The following CNOT9 variants were observed in gnomAD, a reference collection of about 807,000 sequenced individuals.
CNOT9 encodes the protein CCR4-NOT transcription complex subunit 9.
In CNOT9, 8 loss-of-function variants were observed where a neutral mutation model predicts 37.4. That is an observed-to-expected ratio of 0.21 (90% CI 0.13 to 0.39). CNOT9 has a LOEUF of 0.39. Among genes scored for constraint, CNOT9 ranks in the 10% least tolerant of loss-of-function variants. The pLI is 1.00. For missense variants in CNOT9, 154 were observed against 365.3 expected (o/e 0.42, Z 4.71); for synonymous variants, 120 against 137.6 (o/e 0.87, Z 0.90).
At position 218,594,678 on chromosome 2, in the gene CNOT9, G is replaced by A. The variant is rs1465085728; in HGVS notation, c.*402G>A. ...TGAACGCCTGGGACCAAGCCATGTG[G>A]CGTTTTTTATTTTGCCTTTCTGGAA... On this transcript the variant is annotated 3_prime_UTR_variant, in exon 8 of 8. Transcript: ENST00000273064. 5.8e-6 allele frequency: 1 copy of A among 172,684 alleles called. No homozygotes were observed. The highest frequency in any genetic ancestry group is 1.2e-5 in the Non-Finnish European group (1 of 81,868). 10.7% of individuals were successfully genotyped at this position (172,684 alleles called of 1,614,324 possible).
In CNOT9 at chr2:218,573,962, AT is replaced by A. The variant is rs929514598; in HGVS notation, c.24+4991del. 3.2e-4 allele frequency: 135 copies of A among 415,920 alleles called. 2 individuals carry two copies. The Admixed American group carries it at 3.6e-3, about 11-fold the overall frequency. The allele number at this position is 415,920 out of a possible 1,614,324, so 25.8% of individuals were successfully genotyped here. A position where few individuals can be genotyped will look rare whatever the true frequency, so the allele number is the denominator to read the frequency against. On this transcript the variant is annotated intron_variant, in intron 1 of 7. Coordinates refer to ENST00000273064, the MANE Select transcript of CNOT9 (RefSeq NM_005444.3). ...TTAAAAGAACAGGACTGTTGACTTT[AT>A]TTTTTTATTTTATTTTATGTTTTTG...
intron 5 of CNOT9, among the ~76,000 whole-genome samples, chr2:218,588,230 T>G (rs1466826639): frequency 6.6e-6 from 1 of 152,124 alleles, no homozygotes; most frequent in Admixed American, 6.6e-5. Flanking sequence ...TACTTTTTTG[T>G]GTGGTTACCT....
chr2:218,592,048 C>T lies in CNOT9; in HGVS notation c.541-256C>T, dbSNP rs1028777951. On this transcript the variant is annotated intron_variant, in intron 5 of 7. Coordinates refer to ENST00000273064, the MANE Select transcript of CNOT9 (RefSeq NM_005444.3). This position sits in a 1 kb window ranked among gnomAD's most constrained non-coding sequence, Gnocchi z 4.1. ...TGTAAAGTGAGAATAATAATGGTACCTACCTCATTGATTTATTATAAAAAT... is the reference window on the plus strand; with the variant it reads ...TGTAAAGTGAGAATAATAATGGTACTTACCTCATTGATTTATTATAAAAAT... Among the ~76,000 whole-genome samples, 12 of 152,094 alleles carry T rather than the reference C, an allele frequency of 7.9e-5. No individual in the cohort carries two copies. Among genetic ancestry groups the T allele is most frequent in the Admixed American group, 2.0e-4 (3 of 15,280 alleles).
At chr2:218,589,399 G>A (rs1402337296) in intron 5 of CNOT9, 1 of 152,134 alleles carries the variant, frequency 6.6e-6, no homozygotes, top group African/African-American at 2.4e-5. Context: ...GGAGTAGAGA[G>A]GCATGGCTCA....
At chr2:218,572,503 C>G (rs1484877907) in intron 1 of CNOT9, 1 of 167,492 alleles carries the variant, frequency 6.0e-6, no homozygotes, top group Non-Finnish European at 1.2e-5. Context: ...GCCGGGAGTT[C>G]AAGACCAGCC....
intron 1 of CNOT9, among the ~76,000 whole-genome samples, chr2:218,578,523 G>C (rs1694251282): frequency 2.0e-5 from 3 of 152,200 alleles, no homozygotes; most frequent in Admixed American, 2.0e-4. Context: ...TATAAGTACT[G>C]TGAGAAACTG....
At chr2:218,583,221 GTGTGTGTGTGTGTCTCTCTCTC>G (rs1242130842) in intron 3 of CNOT9, 135 bp downstream of exon 3, 735 of 377,794 alleles carry the variant, frequency 1.9e-3, no homozygotes, top group Non-Finnish European at 2.3e-3. Context: ...GTGTGTGTGT[GTGTGTGTGTGTGTCTCTCTCTC>G]TCTCTCTCTC....
Position 218,592,026 on chromosome 2 carries a change from A to G in CNOT9, c.541-278A>G, listed in dbSNP as rs539430066. Among the ~76,000 whole-genome samples the G allele has an allele frequency of 6.6e-6, 1 of 152,330 alleles. No homozygotes were observed. Among genetic ancestry groups the G allele is most frequent in the South Asian group, 2.1e-4 (1 of 4,824 alleles). On this transcript the variant is annotated intron_variant, in intron 5 of 7. Transcript: ENST00000273064. This position sits in a 1 kb window ranked among gnomAD's most constrained non-coding sequence, Gnocchi z 4.1. Reference sequence around the variant, plus strand: ...TTACACGGAACCTACCCTTGTATGTAAAGTGAGAATAATAATGGTACCTAC... The same window carrying G: ...TTACACGGAACCTACCCTTGTATGTGAAGTGAGAATAATAATGGTACCTAC...
At chr2:218,585,642 T>TTTA (rs1553564931) in intron 4 of CNOT9, among the ~76,000 whole-genome samples, 40,243 of 132,284 alleles carry the variant, frequency 0.3, 6,985 homozygotes, top group Non-Finnish European at 0.38. Flanking sequence ...TATTTTATTT[T>TTTA]TTTTTTTTTT....
intron 3 of CNOT9, 35 bp downstream of exon 3, chr2:218,583,121 T>A (rs1363331248): frequency 7.6e-7 from 1 of 1,315,780 alleles, no homozygotes; most frequent in African/African-American, 1.5e-5. Flanking sequence ...GGGGGAGATA[T>A]ACATTGAATA....
At chr2:218,593,963 C>G (rs1694858253) in intron 7 of CNOT9, 145 bp from the exon 8 acceptor site, 1 of 1,010,894 alleles carries the variant, frequency 9.9e-7, no homozygotes, top group Non-Finnish European at 1.5e-6. Context: ...CCTAATATAG[C>G]TTTAGAGAAT....
intron 1 of CNOT9, among the ~76,000 whole-genome samples, chr2:218,569,624 G>C (rs761769974): frequency 2.0e-5 from 3 of 152,166 alleles, no homozygotes; most frequent in Non-Finnish European, 4.4e-5. Context: ...GGCCCTGTAT[G>C]ATGTGGTACT....
chr2:218,571,919 ATCT>A (rs1270573961), intron 1 of CNOT9, among the ~76,000 whole-genome samples: 1 of 151,802 alleles, frequency 6.6e-6, no homozygotes, highest in African/African-American at 2.4e-5. Context: ...ACATCCTAAC[ATCT>A]TCATATATTC....
At chr2:218,590,624 G>A (rs1694741460) in intron 5 of CNOT9, among the ~76,000 whole-genome samples, 1 of 152,168 alleles carries the variant, frequency 6.6e-6, no homozygotes. Flanking sequence ...TTTCTCTGGA[G>A]GATATAGAGG....
chr2:218,573,368 A>C (rs1694064528), intron 1 of CNOT9, among the ~76,000 whole-genome samples: 1 of 151,806 alleles, frequency 6.6e-6, no homozygotes, highest in African/African-American at 2.4e-5. Context: ...AAAATTATGA[A>C]GGTAAGCTAA....
chr2:218,580,464 A>T, intron 1 of CNOT9, 97 bp from the exon 2 acceptor site: 1 of 964,562 alleles, frequency 1.0e-6, no homozygotes, highest in Non-Finnish European at 1.5e-6. Context: ...CTCCCCTGGT[A>T]TTCATGAAAA....
Position 218,592,006 on chromosome 2 carries a change from C to T in CNOT9, c.541-298C>T, listed in dbSNP as rs73992527. On this transcript the variant is annotated intron_variant, in intron 5 of 7. Coordinates refer to ENST00000273064, the MANE Select transcript of CNOT9 (RefSeq NM_005444.3). The surrounding 1 kb of genome is among the most constrained non-coding windows in gnomAD (Gnocchi z 4.1). ...AGTTTTTAAGAATTTGATAATTACACGGAACCTACCCTTGTATGTAAAGTG... is the reference window on the plus strand; with the variant it reads ...AGTTTTTAAGAATTTGATAATTACATGGAACCTACCCTTGTATGTAAAGTG... 0.019 allele frequency among the ~76,000 whole-genome samples: 2,886 copies of T among 152,048 alleles called. 96 individuals carry two copies. Among genetic ancestry groups the T allele is most frequent in the African/African-American group, 0.065 (2,706 of 41,466 alleles).
chr2:218,580,114 G>C (rs989189084), intron 1 of CNOT9, among the ~76,000 whole-genome samples: 18 of 151,792 alleles, frequency 1.2e-4, no homozygotes, highest in African/African-American at 3.9e-4. Flanking sequence ...GATTACAGGC[G>C]CCCATCACCA....
Position 218,592,819 on chromosome 2 carries a change from C to A in CNOT9, c.731+112C>A. ...GGACAGGGAAGTGGGGATATAACTG[C>A]ATTTAGTTTGTCTGAGACAGAACTT... is the stretch of plus-strand genomic sequence containing the variant. On this transcript the variant is annotated intron_variant, in intron 7 of 7. Coordinates refer to ENST00000273064, the MANE Select transcript of CNOT9 (RefSeq NM_005444.3). This position sits in a 1 kb window ranked among gnomAD's most constrained non-coding sequence, Gnocchi z 4.1. The A allele has an allele frequency of 1.2e-6, 1 of 808,450 alleles. No homozygotes were observed. The highest frequency in any genetic ancestry group is 2.0e-6 in the Non-Finnish European group (1 of 489,086). The allele number at this position is 808,450 out of a possible 1,614,324, so 50.1% of individuals were successfully genotyped here.
Sources: allele counts gnomAD v4.1 joint callset (sites outside exome capture counted in the v4.1 genomes callset), GRCh38; gene constraint gnomAD v4.1.1; non-coding constraint Gnocchi (gnomAD v3.1); transcripts MANE v1.5; gene names NCBI Gene and HGNC (gene_info 2026-07-23, HGNC 2026-07-21).